The following FYCO1 variants were observed in gnomAD, a reference collection of about 807,000 sequenced individuals.
FYCO1 encodes FYVE and coiled-coil domain autophagy adaptor 1, also known as FYVE and coiled-coil domain-containing protein 1.
Under a neutral mutation model 165.1 loss-of-function variants are expected in FYCO1, and 122 were observed. The observed-to-expected ratio is 0.74, with a 90% confidence interval of 0.64 to 0.86. The LOEUF is 0.86. Ranked by LOEUF, FYCO1 falls within the 40% of genes least tolerant of loss-of-function variation. The pLI is 0.00. For missense variants in FYCO1, 1,702 were observed against 1,810.3 expected, an observed-to-expected ratio of 0.94 and a Z score of 1.09; for synonymous variants, 648 against 742.5, an observed-to-expected ratio of 0.87 and a Z score of 2.07.
At chr3:45,979,891 T>C in intron 3 of FYCO1, 61 bp from the exon 4 acceptor site, 1 of 1,592,766 alleles carries the variant, frequency 6.3e-7, no homozygotes. Flanking sequence ...TTCCGGCATT[T>C]AAATGATAAA....
chr3:45,955,393 C>A lies in FYCO1; in HGVS notation c.3800G>T (p.Gly1267Val). The change falls in exon 14 of 18, where the codon GGA becomes GTA. Residue 1267 changes from glycine to valine, a missense_variant and splice_region_variant. Gly to Val is a moderately radical substitution (Grantham distance 109). Coordinates refer to ENST00000296137, the MANE Select transcript of FYCO1 (RefSeq NM_024513.4). ...CGGTGGCCTGTAGTCTGTATTTGCT[C>A]CTGGGCAGCAGAGGCAGATCAGGAG... Reference protein sequence around the residue: ...SPGPQATGGQGANTDYRPPDD... With the variant: ...SPGPQATGGQVANTDYRPPDD... The A allele has an allele frequency of 6.2e-7, 1 of 1,614,118 alleles. No homozygotes were observed. Among genetic ancestry groups the A allele is most frequent in the Non-Finnish European group, 8.5e-7 (1 of 1,180,020 alleles).
chr3:45,990,898 G>T (rs563306342), intron 1 of FYCO1, among the ~76,000 whole-genome samples: 3 of 152,092 alleles, frequency 2.0e-5, no homozygotes, highest in Admixed American at 6.5e-5. Context: ...TCAGCCTCGT[G>T]AGTAGCTGGG....
intron 15 of FYCO1, among the ~76,000 whole-genome samples, chr3:45,934,245 T>C (rs1703774920): frequency 6.6e-6 from 1 of 152,202 alleles, no homozygotes; most frequent in Admixed American, 6.5e-5. Context: ...ATGATGGTTA[T>C]AAACTTCCCA....
At chr3:45,982,883 T>C (rs979656993) in intron 2 of FYCO1, among the ~76,000 whole-genome samples, 1 of 152,202 alleles carries the variant, frequency 6.6e-6, no homozygotes, top group South Asian at 2.1e-4. Flanking sequence ...TGGCTGGCAC[T>C]GACAGCCAGT....
chr3:45,932,471 A>G (rs1703680877), intron 15 of FYCO1, among the ~76,000 whole-genome samples: 1 of 152,286 alleles, frequency 6.6e-6, no homozygotes, highest in Admixed American at 6.5e-5. Flanking sequence ...AGATTGAGAA[A>G]TTCAATCCAG....
At chr3:45,945,294 C>G (rs1272571006) in intron 14 of FYCO1, 1 of 152,230 alleles carries the variant, frequency 6.6e-6, no homozygotes, top group Non-Finnish European at 1.5e-5. Context: ...AGGTGCTGGC[C>G]AGACATGGCT....
intron 14 of FYCO1, among the ~76,000 whole-genome samples, chr3:45,953,921 G>T (rs533143232): frequency 6.6e-6 from 1 of 152,170 alleles, no homozygotes; most frequent in Non-Finnish European, 1.5e-5. Flanking sequence ...AACTAAATCC[G>T]AGCTTCCTTT....
chr3:45,959,259 C>CA, intron 12 of FYCO1, 134 bp downstream of exon 12: 1 of 1,015,044 alleles, frequency 9.9e-7, no homozygotes, highest in Admixed American at 1.7e-5. Context: ...CCCTTAAAGC[C>CA]AAAACGCAAT....
chr3:45,956,983 A>G (rs1328171447), intron 13 of FYCO1, among the ~76,000 whole-genome samples: 1 of 152,236 alleles, frequency 6.6e-6, no homozygotes, highest in Non-Finnish European at 1.5e-5. Context: ...TGATGTTAAG[A>G]TGCTTTATAA....
intron 16 of FYCO1, among the ~76,000 whole-genome samples, chr3:45,926,377 C>T (rs4683149): frequency 0.36 from 55,343 of 152,102 alleles, 11,253 homozygotes; most frequent in East Asian, 0.65. Flanking sequence ...ATTAATATTA[C>T]ATAACACAGC....
At chr3:45,969,812 T>C (rs374144821) in intron 6 of FYCO1, 47 bp from the exon 7 acceptor site, 279 of 1,533,518 alleles carry the variant, frequency 1.8e-4, no homozygotes, top group Non-Finnish European at 2.5e-4. Flanking sequence ...GCAGGAAACC[T>C]AACACATGGA....
At position 45,946,474 on chromosome 3, in the gene FYCO1, C is replaced by A. The variant is rs371640095; in HGVS notation, c.3944+8775G>T. 304 of 1,608,114 alleles carry A rather than the reference C, an allele frequency of 1.9e-4. 2 individuals are homozygous for A. In the South Asian group the frequency reaches 2.7e-3, roughly 14 times the overall value. ...TCTGACTCACAGGTGTTCATCAGAA[C>A]AGACACCATGGCAGAGCATGATTAC... On this transcript the variant is annotated intron_variant, in intron 14 of 17. Transcript: ENST00000296137.
chr3:45,947,285 C>T, intron 14 of FYCO1: 1 of 1,614,180 alleles, frequency 6.2e-7, no homozygotes, highest in Non-Finnish European at 8.5e-7. Flanking sequence ...GCTTTCACTA[C>T]ACCATCATGG....
rs1240809769 is a variant in FYCO1, at chr3:45,964,482, C to T, written c.3151-28G>A. 6.2e-7 allele frequency: 1 copy of T among 1,613,236 alleles called. No homozygotes were observed. The highest frequency in any genetic ancestry group is 8.5e-7 in the Non-Finnish European group (1 of 1,179,574). ...GGCACAGGACGTCAGGGAGAAGACA[C>T]TCAGCTTGCAGAAGGCCATGCAACG... is the stretch of plus-strand genomic sequence containing the variant. On this transcript the variant is annotated intron_variant, in intron 9 of 17. Transcript: ENST00000296137. This position sits in a 1 kb window ranked among gnomAD's most constrained non-coding sequence, Gnocchi z 4.1.
At chr3:45,994,935 G>C (rs988957414) in intron 1 of FYCO1, among the ~76,000 whole-genome samples, 1 of 152,160 alleles carries the variant, frequency 6.6e-6, no homozygotes, top group African/African-American at 2.4e-5. Flanking sequence ...GAACAGTGAA[G>C]AGTGACAGGG....
chr3:45,925,817 GA>G (rs1382251228), intron 16 of FYCO1, among the ~76,000 whole-genome samples: 1 of 152,160 alleles, frequency 6.6e-6, no homozygotes, highest in African/African-American at 2.4e-5. Flanking sequence ...AAACTTCTTG[GA>G]AAAAGTGATG....
At chr3:45,988,734 T>C (rs1417385575) in intron 1 of FYCO1, among the ~76,000 whole-genome samples, 1 of 152,242 alleles carries the variant, frequency 6.6e-6, no homozygotes, top group Non-Finnish European at 1.5e-5. Flanking sequence ...ATCCAAAATG[T>C]CTGAAAACAT....
At chr3:45,955,108 A>C (rs1467248192) in intron 14 of FYCO1, 141 bp downstream of exon 14, 7 of 1,009,982 alleles carry the variant, frequency 6.9e-6, no homozygotes, top group Non-Finnish European at 1.1e-5. Context: ...GATGCTCTTC[A>C]AGGCCATCGC....
chr3:45,967,306 C>A lies in FYCO1; in HGVS notation c.2028G>T (p.Gln676His). 1 of 1,613,856 alleles carries A rather than the reference C, an allele frequency of 6.2e-7. No homozygotes were observed. The highest frequency in any genetic ancestry group is 8.5e-7 in the Non-Finnish European group (1 of 1,179,902). ...TTACAGCCAGCAAGCTCGCCTCCAT[C>A]TGGTCACCCAAGTGCCGGATGCTGG... Reference protein sequence around the residue: ...EQASIRHLGDQMEASLLAVRK... With the variant: ...EQASIRHLGDHMEASLLAVRK... Residue 676 changes from glutamine (Q) to histidine (H), a missense_variant, in exon 8 of 18, where the codon CAG (glutamine) becomes CAT (histidine). Gln to His is a conservative substitution (Grantham distance 24, BLOSUM62 0). Coordinates refer to ENST00000296137, the MANE Select transcript of FYCO1 (RefSeq NM_024513.4).
Sources: gnomAD v4.1 joint callset for allele counts (sites outside exome capture counted in the v4.1 genomes callset) on GRCh38, gnomAD v4.1.1 for gene constraint, Gnocchi (gnomAD v3.1) non-coding constraint, MANE v1.5 for transcripts, NCBI Gene and HGNC (gene_info 2026-07-23, HGNC 2026-07-21) for gene names.